The following NTM variants were observed in gnomAD, a reference collection of about 807,000 sequenced individuals.
NTM encodes the protein IgLON family member 2.
Under a neutral mutation model 42.1 loss-of-function variants are expected in NTM, and 13 were observed. The ratio of observed to expected loss-of-function variants is 0.31; its 90% CI spans 0.20 to 0.49. The LOEUF is 0.49. Among genes scored for constraint, NTM ranks in the 20% least tolerant of loss-of-function variants. The pLI is 0.99. For synonymous variants in NTM, 187 were observed against 179.2 expected (o/e 1.04, Z -0.35); for missense variants, 373 against 452.8 (o/e 0.82, Z 1.60).
chr11:132,296,759 T>A (rs1180893852), intron 4 of NTM, among the ~76,000 whole-genome samples: 1 of 152,174 alleles, frequency 6.6e-6, no homozygotes, highest in Non-Finnish European at 1.5e-5. Context: ...TTCTTTTCCT[T>A]CCCATACACC....
chr11:132,334,646 G>A (rs914614940), intron 8 of NTM, among the ~76,000 whole-genome samples: 3 of 152,128 alleles, frequency 2.0e-5, no homozygotes, highest in Non-Finnish European at 4.4e-5. Context: ...CAGGCAGGCA[G>A]TGCTCAGAAG....
chr11:131,928,546 A>C (rs551363965), intron 2 of NTM, among the ~76,000 whole-genome samples: 12 of 151,652 alleles, frequency 7.9e-5, no homozygotes, highest in African/African-American at 2.9e-4. Context: ...GTCCCACTGC[A>C]AACTGTTTGT....
chr11:132,085,681 TC>T (rs2136330304), intron 2 of NTM, among the ~76,000 whole-genome samples: 1 of 152,320 alleles, frequency 6.6e-6, no homozygotes, highest in East Asian at 1.9e-4. Flanking sequence ...TAATTAGAGC[TC>T]TTTTTTATAG....
intron 3 of NTM, among the ~76,000 whole-genome samples, chr11:132,207,110 G>T (rs1459211168): frequency 6.6e-6 from 1 of 152,136 alleles, no homozygotes. Context: ...TAAAGCAAGG[G>T]TCTCCAAACC....
intron 1 of NTM, among the ~76,000 whole-genome samples, chr11:131,678,921 C>T (rs1400662120): frequency 1.3e-5 from 2 of 152,230 alleles, no homozygotes; most frequent in South Asian, 2.1e-4. Context: ...TCGGCTAACA[C>T]GTCCGTCTTC....
intron 1 of NTM, among the ~76,000 whole-genome samples, chr11:131,483,753 T>C (rs1193437351): frequency 6.6e-6 from 1 of 152,240 alleles, no homozygotes; most frequent in Non-Finnish European, 1.5e-5. Flanking sequence ...GCTGCTGGCC[T>C]CTGCCCCTGC....
intron 4 of NTM, among the ~76,000 whole-genome samples, chr11:132,304,570 G>C (rs1214635248): frequency 1.3e-5 from 2 of 152,172 alleles, no homozygotes; most frequent in South Asian, 2.1e-4. Context: ...TGGGGGGCTT[G>C]TTTGAGGCAT....
At chr11:131,509,057 AAAAG>A (rs1186513135) in intron 1 of NTM, among the ~76,000 whole-genome samples, 4 of 150,346 alleles carry the variant, frequency 2.7e-5, no homozygotes, top group Non-Finnish European at 4.4e-5. Flanking sequence ...ATAATAATAA[AAAAG>A]AAATTTGCTC....
intron 1 of NTM, chr11:131,534,409 C>T (rs2136701783): frequency 6.6e-6 from 1 of 152,412 alleles, no homozygotes; most frequent in African/African-American, 2.4e-5. Context: ...ACCCCACACA[C>T]TTTAGAATTA....
Position 132,333,948 on chromosome 11 carries a change from C to A in NTM, c.968-1098C>A, listed in dbSNP as rs547177687. Among the ~76,000 whole-genome samples the A allele has an allele frequency of 8.5e-5, 13 of 152,334 alleles. No individual in the cohort carries two copies. The South Asian group carries it at 2.7e-3, about 32-fold the overall frequency. ...CAGAAATGTATCCAACGCTGAGCAT[C>A]CAAGTCAGGCAGGCAGGTTCTGGCT... is the stretch of plus-strand genomic sequence containing the variant. On this transcript the variant is annotated intron_variant, in intron 8 of 8. Transcript: ENST00000683400.
At chr11:131,719,391 T>C (rs1258939496) in intron 1 of NTM, among the ~76,000 whole-genome samples, 1 of 152,200 alleles carries the variant, frequency 6.6e-6, no homozygotes, top group African/African-American at 2.4e-5. Context: ...ACCTCCATAA[T>C]GTCAGAGAGA....
intron 1 of NTM, among the ~76,000 whole-genome samples, chr11:131,522,028 G>T (rs1247698821): frequency 1.3e-5 from 2 of 152,128 alleles, no homozygotes; most frequent in Non-Finnish European, 2.9e-5. Flanking sequence ...TATATGAAAG[G>T]ATCGCCAGGC....
intron 1 of NTM, among the ~76,000 whole-genome samples, chr11:131,688,267 G>C (rs559996549): frequency 7.9e-5 from 12 of 152,086 alleles, no homozygotes; most frequent in African/African-American, 2.2e-4. Flanking sequence ...ACTCCAGACA[G>C]GGGGGAAAGC....
intron 1 of NTM, among the ~76,000 whole-genome samples, chr11:131,528,071 A>T (rs548425943): frequency 5.3e-4 from 81 of 152,328 alleles, no homozygotes; most frequent in African/African-American, 1.3e-3. Flanking sequence ...AAATTTTTTT[A>T]AAAAATCTAA....
At chr11:131,986,145 A>C (rs1245159492) in intron 2 of NTM, among the ~76,000 whole-genome samples, 1 of 152,188 alleles carries the variant, frequency 6.6e-6, no homozygotes, top group Non-Finnish European at 1.5e-5. Flanking sequence ...ACTATCTTTC[A>C]AAGAACCCCA....
chr11:131,638,571 A>C (rs1189992468), intron 1 of NTM, among the ~76,000 whole-genome samples: 25 of 151,334 alleles, frequency 1.7e-4, no homozygotes, highest in Non-Finnish European at 3.5e-4. Flanking sequence ...TTCAAAAAAA[A>C]AAAAAAAAAA....
intron 1 of NTM, among the ~76,000 whole-genome samples, chr11:131,577,029 A>C (rs2058002353): frequency 6.6e-6 from 1 of 152,232 alleles, no homozygotes; most frequent in African/African-American, 2.4e-5. Context: ...GTATACAGGC[A>C]CATTTCAAGG....
intron 1 of NTM, among the ~76,000 whole-genome samples, chr11:131,563,871 T>C (rs1168279502): frequency 6.6e-6 from 1 of 152,108 alleles, no homozygotes. Flanking sequence ...AGGTTCCCAA[T>C]GGCCCCTAGA....
intron 3 of NTM, among the ~76,000 whole-genome samples, chr11:132,161,359 C>T (rs1164430271): frequency 2.3e-5 from 3 of 128,226 alleles, no homozygotes; most frequent in African/African-American, 5.8e-5. Context: ...CTCATTTGGT[C>T]TTTCGAGCAG....
Sources: allele counts gnomAD v4.1 joint callset (sites outside exome capture counted in the v4.1 genomes callset), GRCh38; gene constraint gnomAD v4.1.1; transcripts MANE v1.5; gene names NCBI Gene and HGNC (gene_info 2026-07-23, HGNC 2026-07-21).